The following LGALS8 variants were observed in gnomAD, a reference collection of about 807,000 sequenced individuals.
LGALS8 encodes the protein galectin-8.
In LGALS8, 30 loss-of-function variants were observed where a neutral mutation model predicts 35.9. The ratio of observed to expected loss-of-function variants is 0.83; its 90% CI spans 0.62 to 1.13. The LOEUF is 1.13. LGALS8 is among the 50% of genes most tolerant of loss of function. The pLI, the probability that LGALS8 is intolerant of heterozygous loss-of-function variation, is 0.00. For synonymous variants in LGALS8, 138 were observed against 136.1 expected (o/e 1.01, Z -0.10); for missense variants, 366 against 388.7 (o/e 0.94, Z 0.49).
At chr1:236,541,461 T>C in intron 5 of LGALS8, 193 bp from the exon 6 acceptor site, 2 of 458,598 alleles carry the variant, frequency 4.4e-6, no homozygotes, top group South Asian at 8.6e-5. Context: ...TTGCTGACAT[T>C]ACATCTTATT....
chr1:236,539,009 G>A lies in LGALS8; in HGVS notation c.265G>A (p.Glu89Lys), dbSNP rs1484633145. The A allele has an allele frequency of 3.1e-6, 5 of 1,614,074 alleles. No individual in the cohort carries two copies. In the African/African-American group the frequency reaches 6.7e-5, roughly 22 times the overall value. ...TTTGATAAATGAAAAATGGGGACGG[G>A]AAGAGATCACCTATGACACGCCTTT... ...NTLINEKWGR[E>K]EITYDTPFKR... Residue 89 changes from glutamate (E) to lysine (K), a missense_variant, in exon 4 of 10, where the codon GAA (glutamate) becomes AAA (lysine). Physicochemically the swap from Glu to Lys is moderately conservative, Grantham distance 56 (BLOSUM62 1). Transcript: ENST00000366584.
chr1:236,527,068 T>C (rs1257897805), intron 2 of LGALS8, among the ~76,000 whole-genome samples: 1 of 152,178 alleles, frequency 6.6e-6, no homozygotes, highest in Non-Finnish European at 1.5e-5. Context: ...ACTTTGCGCA[T>C]GTTAGAGTTA....
intron 2 of LGALS8, among the ~76,000 whole-genome samples, chr1:236,529,345 G>A (rs1411153950): frequency 6.6e-6 from 1 of 152,102 alleles, no homozygotes; most frequent in Non-Finnish European, 1.5e-5. Flanking sequence ...ACTTTGGGAA[G>A]CCGAGGCGAG....
At chr1:236,546,991 T>C (rs1270978817) in intron 9 of LGALS8, among the ~76,000 whole-genome samples, 1 of 145,304 alleles carries the variant, frequency 6.9e-6, no homozygotes, top group Non-Finnish European at 1.5e-5. Flanking sequence ...TGATTTTCCT[T>C]GACAGTCCTT....
Position 236,538,917 on chromosome 1 carries a change from C to G in LGALS8, c.173C>G (p.Pro58Arg). ...CTGCAGAATGGCAGCAGCATGAAAC[C>G]TCGAGCCGATGTGGCCTTTCATTTC... ...VDLQNGSSMK[P>R]RADVAFHFNP... Residue 58 changes from proline to arginine, a missense_variant, in exon 4 of 10, where the codon CCT becomes CGT. Physicochemically the swap from Pro to Arg is moderately radical, Grantham distance 103 (BLOSUM62 -2). Transcript: ENST00000366584. 1.2e-6 allele frequency: 2 copies of G among 1,613,438 alleles called. No homozygotes were observed. Among genetic ancestry groups the G allele is most frequent in the Non-Finnish European group, 1.7e-6 (2 of 1,179,984 alleles).
At position 236,548,955 on chromosome 1, in the gene LGALS8, C is replaced by G; in HGVS notation, c.*794C>G. 5.0e-6 allele frequency: 2 copies of G among 398,598 alleles called. No homozygotes were observed. Among genetic ancestry groups the G allele is most frequent in the East Asian group, 3.6e-5 (1 of 28,082 alleles). The allele number at this position is 398,598 out of a possible 1,614,324, so 24.7% of individuals were successfully genotyped here. Reference sequence around the variant, plus strand: ...CTGTGTATTTGAACTTAGGGCAAATCAGAGTCTACACAGACGCCTACAGAA... The same window carrying G: ...CTGTGTATTTGAACTTAGGGCAAATGAGAGTCTACACAGACGCCTACAGAA... On this transcript the variant is annotated 3_prime_UTR_variant, in exon 10 of 10. Coordinates refer to ENST00000366584, the MANE Select transcript of LGALS8 (RefSeq NM_201544.4).
upstream of LGALS8, chr1:236,523,678 C>A: frequency 5.7e-6 from 1 of 176,210 alleles, no homozygotes; most frequent in Non-Finnish European, 1.2e-5. Context: ...TACCACCTCC[C>A]ACCCCACTCC....
chr1:236,547,389 A>G (rs868457644), intron 9 of LGALS8, among the ~76,000 whole-genome samples: 2 of 152,184 alleles, frequency 1.3e-5, no homozygotes, highest in African/African-American at 4.8e-5. Flanking sequence ...AACTTACGGG[A>G]TACCCAGCTT....
In LGALS8 at chr1:236,526,246, G is replaced by C; in HGVS notation, c.45+131G>C. 1.6e-6 allele frequency: 1 copy of C among 606,740 alleles called. No individual in the cohort carries two copies. The highest frequency in any genetic ancestry group is 2.8e-5 in the East Asian group (1 of 35,764). 37.6% of individuals were successfully genotyped at this position (606,740 alleles called of 1,614,324 possible). A position where few individuals can be genotyped will look rare whatever the true frequency, so the allele number is the denominator to read the frequency against. On this transcript the variant is annotated intron_variant, in intron 2 of 9. Coordinates refer to ENST00000366584, the MANE Select transcript of LGALS8 (RefSeq NM_201544.4). The surrounding 1 kb of genome is among the most constrained non-coding windows in gnomAD (Gnocchi z 4.6). ...TTTAAAGCACCTACTATGTAATAGAGATGGTGGTGGGTGCTGATTACAAAA... is the reference window on the plus strand; with the variant it reads ...TTTAAAGCACCTACTATGTAATAGACATGGTGGTGGGTGCTGATTACAAAA...
Position 236,551,881 on chromosome 1 carries a change from C to A in LGALS8, c.*3720C>A. On this transcript the variant is annotated 3_prime_UTR_variant, in exon 10 of 10. Coordinates refer to ENST00000366584, the MANE Select transcript of LGALS8 (RefSeq NM_201544.4). Reference sequence around the variant, plus strand: ...GAGACTGGAGCTGCCTGTATGAGGACTGGATCAACTGCTAGTCACGTTATA... The same window carrying A: ...GAGACTGGAGCTGCCTGTATGAGGAATGGATCAACTGCTAGTCACGTTATA... 1.4e-6 allele frequency: 1 copy of A among 700,142 alleles called. No homozygotes were observed. Among genetic ancestry groups the A allele is most frequent in the Non-Finnish European group, 2.5e-6 (1 of 400,758 alleles). 43.4% of individuals were successfully genotyped at this position (700,142 alleles called of 1,614,324 possible).
At chr1:236,538,363 C>T (rs916534327) in intron 3 of LGALS8, among the ~76,000 whole-genome samples, 3 of 152,136 alleles carry the variant, frequency 2.0e-5, no homozygotes, top group African/African-American at 7.2e-5. Flanking sequence ...TCCTTCAAGT[C>T]GTTAGAGAAG....
Position 236,549,060 on chromosome 1 carries a change from C to G in LGALS8, c.*899C>G, listed in dbSNP as rs1662587413. ...AGTAAGGTCAGGATTAGACTTCAGG[C>G]ATTCATAAGGCAGGCACTATCAGAA... On this transcript the variant is annotated 3_prime_UTR_variant, in exon 10 of 10. Transcript: ENST00000366584. 2.5e-6 allele frequency: 1 copy of G among 398,376 alleles called. No individual in the cohort carries two copies. Among genetic ancestry groups the G allele is most frequent in the Admixed American group, 4.4e-5 (1 of 22,724 alleles). The allele number at this position is 398,376 out of a possible 1,614,324, so 24.7% of individuals were successfully genotyped here. A position where few individuals can be genotyped will look rare whatever the true frequency, so the allele number is the denominator to read the frequency against.
At chr1:236,537,696 G>C (rs1661636371) in intron 3 of LGALS8, 111 bp downstream of exon 3, 1 of 769,670 alleles carries the variant, frequency 1.3e-6, no homozygotes, top group African/African-American at 1.7e-5. Context: ...GGCCCAATTA[G>C]CTTTCATCAG....
chr1:236,533,867 C>T (rs970558724), intron 2 of LGALS8, among the ~76,000 whole-genome samples: 1 of 151,362 alleles, frequency 6.6e-6, no homozygotes, highest in Admixed American at 6.6e-5. Flanking sequence ...ACAGATGGTA[C>T]TGTGTCTCTG....
At chr1:236,539,692 G>A (rs1355643668) in intron 4 of LGALS8, among the ~76,000 whole-genome samples, 1 of 152,192 alleles carries the variant, frequency 6.6e-6, no homozygotes, top group Non-Finnish European at 1.5e-5. Flanking sequence ...CGCGAGAGAA[G>A]ACTCGAATGC....
At position 236,538,876 on chromosome 1, in the gene LGALS8, T is replaced by C. The variant is rs373574661; in HGVS notation, c.135-3T>C. 1 of 1,611,096 alleles carries C rather than the reference T, an allele frequency of 6.2e-7. No individual in the cohort carries two copies. The highest frequency in any genetic ancestry group is 8.5e-7 in the Non-Finnish European group (1 of 1,178,712). On this transcript the variant is annotated splice_region_variant and splice_polypyrimidine_tract_variant and intron_variant, in intron 3 of 9. Transcript: ENST00000366584. Reference sequence around the variant, plus strand: ...TGGGGCCCCTGTGTCTTCCCTCATATAGATTCCAGGTGGATCTGCAGAATG... The same window carrying C: ...TGGGGCCCCTGTGTCTTCCCTCATACAGATTCCAGGTGGATCTGCAGAATG...
At chr1:236,519,920 AC>A (rs1157850019), upstream of LGALS8, among the ~76,000 whole-genome samples, 1 of 145,060 alleles carries the variant, frequency 6.9e-6, no homozygotes, top group Admixed American at 6.9e-5. Flanking sequence ...AGATTGTTTT[AC>A]ACATAACAGG....
At chr1:236,531,886 CAA>C (rs974974845) in intron 2 of LGALS8, among the ~76,000 whole-genome samples, 1 of 152,104 alleles carries the variant, frequency 6.6e-6, no homozygotes, top group Non-Finnish European at 1.5e-5. Flanking sequence ...AGCAAAATTG[CAA>C]ACGGAAAGGC....
intron 5 of LGALS8, among the ~76,000 whole-genome samples, chr1:236,540,962 T>A (rs1285371060): frequency 1.3e-5 from 2 of 152,058 alleles, no homozygotes; most frequent in East Asian, 3.9e-4. Context: ...TAAAATGGAG[T>A]ATTTCTGTAA....
Sources: allele counts gnomAD v4.1 joint callset (sites outside exome capture counted in the v4.1 genomes callset), GRCh38; gene constraint gnomAD v4.1.1; non-coding constraint Gnocchi (gnomAD v3.1); transcripts MANE v1.5; gene names NCBI Gene and HGNC (gene_info 2026-07-23, HGNC 2026-07-21).